LRRC4C: variants seen among roughly 807,000 people sequenced by gnomAD.
The protein encoded by LRRC4C is leucine-rich repeat-containing protein 4C.
Under a neutral mutation model 33.6 loss-of-function variants are expected in LRRC4C, and 5 were observed. The ratio of observed to expected loss-of-function variants is 0.15; its 90% CI spans 0.08 to 0.31. The LOEUF (loss-of-function observed/expected upper bound fraction) is 0.31. Ranked by LOEUF, LRRC4C falls within the 10% of genes least tolerant of loss-of-function variation. The probability of loss-of-function intolerance (pLI) is 1.00; values close to 1 mark genes in which losing one functional copy is unlikely to be tolerated. For synonymous variants in LRRC4C, 329 were observed against 302.0 expected (o/e 1.09, Z -0.93); for missense variants, 560 against 796.7 (o/e 0.70, Z 3.58).
chr11:40,483,970 T>C (rs1375536139), intron 3 of LRRC4C, among the ~76,000 whole-genome samples: 1 of 152,046 alleles, frequency 6.6e-6, no homozygotes, highest in African/African-American at 2.4e-5. Flanking sequence ...AAATGACCCC[T>C]GACTTAACCA....
intron 2 of LRRC4C, among the ~76,000 whole-genome samples, chr11:40,694,844 C>T (rs75194926): frequency 1.5e-4 from 23 of 152,298 alleles, no homozygotes; most frequent in African/African-American, 5.3e-4. Flanking sequence ...AGTTCATCCA[C>T]ATAACTCTGC....
intron 3 of LRRC4C, among the ~76,000 whole-genome samples, chr11:40,473,608 G>A (rs1953054671): frequency 1.3e-5 from 2 of 152,152 alleles, no homozygotes; most frequent in Admixed American, 1.3e-4. Context: ...CCCGGGGCAA[G>A]TAGGCAAGAG....
chr11:40,461,163 C>T (rs1952379819), intron 3 of LRRC4C, among the ~76,000 whole-genome samples: 1 of 152,098 alleles, frequency 6.6e-6, no homozygotes, highest in Admixed American at 6.6e-5. Context: ...GGTTAAACAG[C>T]TTATTCAAGA....
At chr11:41,032,463 T>A (rs1204518099) in intron 1 of LRRC4C, among the ~76,000 whole-genome samples, 2 of 152,076 alleles carry the variant, frequency 1.3e-5, no homozygotes, top group African/African-American at 2.4e-5. Context: ...GTGTGTGGTT[T>A]TTTTTTAGAT....
chr11:41,270,404 T>G (rs2136828885), intron 1 of LRRC4C, among the ~76,000 whole-genome samples: 1 of 152,224 alleles, frequency 6.6e-6, no homozygotes, highest in Middle Eastern at 3.4e-3. Flanking sequence ...AAAGTTGTAT[T>G]AGAAATAACC....
intron 2 of LRRC4C, among the ~76,000 whole-genome samples, chr11:40,912,254 CA>C (rs1225190614): frequency 5.9e-5 from 9 of 151,946 alleles, no homozygotes; most frequent in Non-Finnish European, 1.0e-4. Flanking sequence ...TCAGATTTAC[CA>C]AAGTTGAAAT....
At chr11:40,384,727 C>G (rs1949036931) in intron 3 of LRRC4C, among the ~76,000 whole-genome samples, 1 of 152,146 alleles carries the variant, frequency 6.6e-6, no homozygotes. Context: ...AATTGGTATT[C>G]TCCACCTTTC....
intron 2 of LRRC4C, among the ~76,000 whole-genome samples, chr11:40,877,618 G>A (rs996187141): frequency 2.0e-5 from 3 of 152,142 alleles, no homozygotes; most frequent in Admixed American, 2.0e-4. Context: ...ATCTTTAGTA[G>A]CTGGCATGAT....
chr11:40,909,983 T>G (rs1416301674), intron 2 of LRRC4C, among the ~76,000 whole-genome samples: 1 of 152,180 alleles, frequency 6.6e-6, no homozygotes, highest in Non-Finnish European at 1.5e-5. Context: ...TTCCCTATTT[T>G]TCCTTCATGT....
intron 3 of LRRC4C, among the ~76,000 whole-genome samples, chr11:40,363,099 A>G (rs577339169): frequency 1.3e-5 from 2 of 152,322 alleles, no homozygotes; most frequent in Admixed American, 1.3e-4. Context: ...ATAAGGACAC[A>G]TGCATGCATA....
intron 5 of LRRC4C, among the ~76,000 whole-genome samples, chr11:40,210,782 T>G (rs1466855605): frequency 4.6e-5 from 7 of 152,158 alleles, no homozygotes; most frequent in Non-Finnish European, 1.0e-4. Flanking sequence ...CAACTTTTTC[T>G]TTTCTTTTGA....
chr11:41,193,327 A>G (rs1263936620), intron 1 of LRRC4C, among the ~76,000 whole-genome samples: 1 of 152,138 alleles, frequency 6.6e-6, no homozygotes, highest in Admixed American at 6.6e-5. Context: ...CATCTGATTC[A>G]GTCTCTAGAT....
At chr11:41,141,860 C>T (rs1317404072) in intron 1 of LRRC4C, among the ~76,000 whole-genome samples, 3 of 152,188 alleles carry the variant, frequency 2.0e-5, no homozygotes, top group East Asian at 3.9e-4. Context: ...CTCACATATG[C>T]TATTGGTGAG....
intron 3 of LRRC4C, among the ~76,000 whole-genome samples, chr11:40,413,644 A>G (rs1221848819): frequency 6.6e-6 from 1 of 152,122 alleles, no homozygotes; most frequent in Non-Finnish European, 1.5e-5. Context: ...CGTAAAATCT[A>G]CTTCTGTGTG....
intron 1 of LRRC4C, among the ~76,000 whole-genome samples, chr11:41,334,893 C>CA (rs1182386683): frequency 1.3e-5 from 2 of 149,922 alleles, no homozygotes; most frequent in African/African-American, 2.5e-5. Context: ...AACAAACAAA[C>CA]AAAAAACCAC....
At chr11:40,530,166 A>C (rs2135302416) in intron 3 of LRRC4C, among the ~76,000 whole-genome samples, 1 of 152,184 alleles carries the variant, frequency 6.6e-6, no homozygotes, top group East Asian at 1.9e-4. Context: ...TCTTAAAAAC[A>C]TTTTCTCTGG....
At chr11:40,945,395 A>G (rs1958352871) in intron 1 of LRRC4C, among the ~76,000 whole-genome samples, 2 of 152,152 alleles carry the variant, frequency 1.3e-5, no homozygotes, top group Non-Finnish European at 2.9e-5. Context: ...AAAAAAAGTT[A>G]TCAATTTATA....
At chr11:40,327,943 G>A (rs1946176257) in intron 3 of LRRC4C, among the ~76,000 whole-genome samples, 1 of 151,890 alleles carries the variant, frequency 6.6e-6, no homozygotes, top group Non-Finnish European at 1.5e-5. Flanking sequence ...TTGTGAATTT[G>A]CTTGAGATTT....
intron 4 of LRRC4C, among the ~76,000 whole-genome samples, chr11:40,271,780 T>A (rs1394011528): frequency 6.6e-6 from 1 of 152,218 alleles, no homozygotes; most frequent in Non-Finnish European, 1.5e-5. Flanking sequence ...GTGGCTCACA[T>A]GACATCAATG....
Sources: gnomAD v4.1 joint callset for allele counts (sites outside exome capture counted in the v4.1 genomes callset) on GRCh38, gnomAD v4.1.1 for gene constraint, MANE v1.5 for transcripts, NCBI Gene and HGNC (gene_info 2026-07-23, HGNC 2026-07-21) for gene names.